The following FHOD1 variants were observed in gnomAD, a reference collection of about 807,000 sequenced individuals.
The protein encoded by FHOD1 is formin homology 2 domain containing 1.
A neutral mutation model predicts 111.6 loss-of-function variants in FHOD1; 89 were observed. The observed-to-expected ratio is 0.80, with a 90% CI of 0.67 to 0.95. FHOD1 has a LOEUF of 0.95. Ranked by LOEUF, FHOD1 falls within the 40% of genes least tolerant of loss-of-function variation. The pLI, the probability that FHOD1 is intolerant of heterozygous loss-of-function variation, is 0.00. For synonymous variants in FHOD1, 618 were observed against 639.0 expected (o/e 0.97, Z 0.50); for missense variants, 1,446 against 1,554.2 (o/e 0.93, Z 1.17).
In FHOD1 at chr16:67,231,870, C is replaced by G; in HGVS notation, c.2203-51G>C. 1 of 1,583,930 alleles carries G rather than the reference C, an allele frequency of 6.3e-7. No homozygotes were observed. The highest frequency in any genetic ancestry group is 1.1e-5 in the South Asian group (1 of 87,384). Reference sequence around the variant, plus strand: ...TGGCCCCCTCAATGCAGGCCTGAGGCCTGAGGCATTGGTCTTGACCCCTCA... The same window carrying G: ...TGGCCCCCTCAATGCAGGCCTGAGGGCTGAGGCATTGGTCTTGACCCCTCA... On this transcript the variant is annotated intron_variant, in intron 14 of 21. Transcript: ENST00000258201. This position sits in a 1 kb window ranked among gnomAD's most constrained non-coding sequence, Gnocchi z 4.3.
rs758294040 is a variant in FHOD1, at chr16:67,230,591, A to G, written c.2858+10T>C. The G allele has an allele frequency of 6.2e-6, 10 of 1,614,064 alleles. No homozygotes were observed. The highest frequency in any genetic ancestry group is 7.6e-6 in the Non-Finnish European group (9 of 1,179,922). ...TGGCCGTCCTGCCTCTCTTGGGTCCATGCCCCTACCTATTGCAGACACGGC... is the reference window on the plus strand; with the variant it reads ...TGGCCGTCCTGCCTCTCTTGGGTCCGTGCCCCTACCTATTGCAGACACGGC... On this transcript the variant is annotated intron_variant, in intron 18 of 21. Coordinates refer to ENST00000258201, the MANE Select transcript of FHOD1 (RefSeq NM_013241.3).
intron 1 of FHOD1, among the ~76,000 whole-genome samples, chr16:67,246,440 T>C (rs1473912071): frequency 6.6e-6 from 1 of 152,014 alleles, no homozygotes; most frequent in Non-Finnish European, 1.5e-5. Flanking sequence ...GCTGGCCATC[T>C]GGAAAAGGGC....
chr16:67,232,546 G>T (rs2034321209), intron 13 of FHOD1, among the ~76,000 whole-genome samples: 1 of 149,058 alleles, frequency 6.7e-6, no homozygotes, highest in Non-Finnish European at 1.5e-5. Flanking sequence ...AAAAAAGACT[G>T]AGGAAGGGAC....
At chr16:67,232,633 G>A (rs1382642862) in intron 13 of FHOD1, among the ~76,000 whole-genome samples, 1 of 151,978 alleles carries the variant, frequency 6.6e-6, no homozygotes. Flanking sequence ...CTGACAAACT[G>A]GCAACCTGGA....
In FHOD1 at chr16:67,229,808, C is replaced by T. The variant is rs758366092; in HGVS notation, c.3397G>A (p.Gly1133Ser). The T allele has an allele frequency of 7.4e-6, 12 of 1,614,044 alleles. No individual in the cohort carries two copies. In the East Asian group the frequency reaches 8.9e-5, roughly 12 times the overall value. ...GGTTACTTACAAGACTTGCGGTTGC[C>T]GCGGGAACGCTTGCGTTCCCTAGCA... The part of the protein sequence containing the change: ...LAARERKRSR[G>S]NRKSLRRTLK... Residue 1133 changes from glycine to serine, a missense_variant, in exon 21 of 22, where the codon GGC (glycine) becomes AGC (serine). This residue lies in a region of FHOD1 where 1,085 missense variants were observed against 1,108.8 expected (regional missense o/e 0.98). Transcript: ENST00000258201.
At position 67,238,697 on chromosome 16, in the gene FHOD1, A is replaced by T. The variant is rs2034583440; in HGVS notation, c.373+206T>A. ...CTCTCAAAGCACTGGCATTGGAGGC[A>T]TGAGCTACCACGCCTGGTCTATTCT... On this transcript the variant is annotated intron_variant, in intron 3 of 21. Coordinates refer to ENST00000258201, the MANE Select transcript of FHOD1 (RefSeq NM_013241.3). The surrounding 1 kb of genome is among the most constrained non-coding windows in gnomAD (Gnocchi z 4.2). The T allele has an allele frequency of 3.0e-6, 2 of 655,954 alleles. No individual in the cohort carries two copies. Among genetic ancestry groups the T allele is most frequent in the South Asian group, 3.6e-5 (2 of 55,100 alleles). The allele number at this position is 655,954 out of a possible 1,614,324, so 40.6% of individuals were successfully genotyped here.
At position 67,230,605 on chromosome 16, in the gene FHOD1, T is replaced by G; in HGVS notation, c.2854A>C (p.Asn952His). The G allele has an allele frequency of 6.2e-7, 1 of 1,614,110 alleles. No individual in the cohort carries two copies. Among genetic ancestry groups the G allele is most frequent in the Non-Finnish European group, 8.5e-7 (1 of 1,179,968 alleles). The change falls in exon 18 of 22, where the codon AAT (asparagine) becomes CAT (histidine). Residue 952 changes from asparagine (N) to histidine (H), a missense_variant. By Grantham distance (68) the Asn-to-His change is moderately conservative. Around this residue, in one of 3 missense-constraint regions of FHOD1, gnomAD observed 1,085 missense variants for 1,108.8 expected, o/e 0.98. Transcript: ENST00000258201. ...CTCTTGGGTCCATGCCCCTACCTAT[T>G]GCAGACACGGCGGTGCACTATCCTT... The part of the protein sequence containing the change: ...MLRIVHRRVC[N>H]RFHAFLLYLG...
In FHOD1 at chr16:67,237,199, C is replaced by T. The variant is rs1324828572; in HGVS notation, c.993+40G>A. On this transcript the variant is annotated intron_variant, in intron 9 of 21. Transcript: ENST00000258201. This position sits in a 1 kb window ranked among gnomAD's most constrained non-coding sequence, Gnocchi z 5.6. ...CGCTGGGGACTGCGCTTCTCTCTTC[C>T]CTCTTTCCAATCCGCCTCAGAGCGT... 1.2e-6 allele frequency: 2 copies of T among 1,606,180 alleles called. No homozygotes were observed. The highest frequency in any genetic ancestry group is 3.4e-5 in the Admixed American group (2 of 59,586).
At chr16:67,235,721 C>T (rs1046457291) in intron 11 of FHOD1, among the ~76,000 whole-genome samples, 1 of 152,122 alleles carries the variant, frequency 6.6e-6, no homozygotes, top group African/African-American at 2.4e-5. Flanking sequence ...ACCCTAGGTC[C>T]CCTCCCTGCT....
rs369404876 is a variant in FHOD1, at chr16:67,237,519, C to T, written c.805G>A (p.Ala269Thr). ...GTGTACACCAACAACTCAGGGTCAG[C>T]GCCATTCTTCTCCTCCAGGATGGAC... is the stretch of plus-strand genomic sequence containing the variant. ...LVSILEEKNGADPELLVYTVT... is the reference protein window; with the variant it reads ...LVSILEEKNGTDPELLVYTVT... The change falls in exon 8 of 22, where the codon GCT becomes ACT. Residue 269 changes from alanine to threonine, a missense_variant. Physicochemically the swap from Ala to Thr is moderately conservative, Grantham distance 58. Around this residue, in one of 3 missense-constraint regions of FHOD1, gnomAD observed 234 missense variants for 327.4 expected, o/e 0.71. Transcript: ENST00000258201. This position sits in a 1 kb window ranked among gnomAD's most constrained non-coding sequence, Gnocchi z 5.6. The T allele has an allele frequency of 1.9e-6, 3 of 1,614,020 alleles. No homozygotes were observed. The highest frequency in any genetic ancestry group is 2.7e-5 in the African/African-American group (2 of 74,894).
chr16:67,247,095 C>T (rs2034882493), intron 1 of FHOD1, 115 bp downstream of exon 1: 4 of 1,268,946 alleles, frequency 3.2e-6, no homozygotes, highest in Non-Finnish European at 4.2e-6. Flanking sequence ...CAGCCCAAGA[C>T]TTTTCCGGAG....
At chr16:67,243,763 T>A (rs6499119) in intron 1 of FHOD1, among the ~76,000 whole-genome samples, 35,776 of 152,058 alleles carry the variant, frequency 0.24, 8,926 homozygotes, top group African/African-American at 0.63. Flanking sequence ...AAATACCCCA[T>A]ACTGGTCCTC....
chr16:67,237,330 A>G lies in FHOD1; in HGVS notation c.902T>C (p.Leu301Pro). Residue 301 changes from leucine (L) to proline (P), a missense_variant, in exon 9 of 22, where the codon CTG (leucine) becomes CCG (proline). By Grantham distance (98) the Leu-to-Pro change is moderately conservative (BLOSUM62 -3). Coordinates refer to ENST00000258201, the MANE Select transcript of FHOD1 (RefSeq NM_013241.3). The surrounding 1 kb of genome is among the most constrained non-coding windows in gnomAD (Gnocchi z 5.6). ...QDSFYDVTDA[L>P]EQQGMEALVQ... Reference sequence around the variant, plus strand: ...CAGCGCTTCCATGCCCTGCTGCTCCAGTGCATCCGTCACATCGTAGAAGGA... The same window carrying G: ...CAGCGCTTCCATGCCCTGCTGCTCCGGTGCATCCGTCACATCGTAGAAGGA... 6.2e-7 allele frequency: 1 copy of G among 1,614,096 alleles called. No homozygotes were observed. Among genetic ancestry groups the G allele is most frequent in the Non-Finnish European group, 8.5e-7 (1 of 1,180,024 alleles).
At position 67,237,200 on chromosome 16, in the gene FHOD1, C is replaced by T. The variant is rs768023614; in HGVS notation, c.993+39G>A. ...GCTGGGGACTGCGCTTCTCTCTTCCCTCTTTCCAATCCGCCTCAGAGCGTA... is the reference window on the plus strand; with the variant it reads ...GCTGGGGACTGCGCTTCTCTCTTCCTTCTTTCCAATCCGCCTCAGAGCGTA... On this transcript the variant is annotated intron_variant, in intron 9 of 21. Coordinates refer to ENST00000258201, the MANE Select transcript of FHOD1 (RefSeq NM_013241.3). The surrounding 1 kb of genome is among the most constrained non-coding windows in gnomAD (Gnocchi z 5.6). 7.5e-6 allele frequency: 12 copies of T among 1,606,294 alleles called. 1 individual carries two copies. The African/African-American group carries it at 9.4e-5, about 13-fold the overall frequency.
Position 67,230,699 on chromosome 16 carries a change from C to T in FHOD1, c.2760G>A (p.Glu920=), listed in dbSNP as rs2034229760. The part of the protein sequence containing the change: ...EESLRSLAKH[E]LAPALRARLT... ...GGCGGGCACGCAGGGCTGGGGCCAG[C>T]TCATGCTTGGCCAAGCTCCGCAGGC... is the stretch of plus-strand genomic sequence containing the variant. The change falls in exon 18 of 22, where the codon GAG becomes GAA. Residue 920 remains glutamate (E), a synonymous_variant. Coordinates refer to ENST00000258201, the MANE Select transcript of FHOD1 (RefSeq NM_013241.3). The T allele has an allele frequency of 6.2e-7, 1 of 1,613,704 alleles. No homozygotes were observed. Among genetic ancestry groups the T allele is most frequent in the African/African-American group, 1.3e-5 (1 of 74,944 alleles).
intron 1 of FHOD1, among the ~76,000 whole-genome samples, chr16:67,242,517 G>A (rs950191861): frequency 7.2e-5 from 11 of 152,234 alleles, no homozygotes; most frequent in African/African-American, 2.7e-4. Flanking sequence ...CCTTCCTGGG[G>A]TCACCCTTCT....
At position 67,234,204 on chromosome 16, in the gene FHOD1, G is replaced by A. The variant is rs77281081; in HGVS notation, c.1499C>T (p.Ala500Val). ...CTGGGCCCGGAGCAGGACACAGGGGGCAGGGCTCTGGGGTGTTCTGGCTGC... is the reference window on the plus strand; with the variant it reads ...CTGGGCCCGGAGCAGGACACAGGGGACAGGGCTCTGGGGTGTTCTGGCTGC... Reference protein sequence around the residue: ...APAARTPQSPAPCVLLRAQRS... With the variant: ...APAARTPQSPVPCVLLRAQRS... Residue 500 changes from alanine (A) to valine (V), a missense_variant, in exon 13 of 22, where the codon GCC becomes GTC. Transcript: ENST00000258201. 2 of 1,547,278 alleles carry A rather than the reference G, an allele frequency of 1.3e-6. No homozygotes were observed. Among genetic ancestry groups the A allele is most frequent in the African/African-American group, 2.7e-5 (2 of 72,986 alleles).
In FHOD1 at chr16:67,231,618, C is replaced by T; in HGVS notation, c.2385+19G>A. 6.2e-7 allele frequency: 1 copy of T among 1,614,100 alleles called. No homozygotes were observed. The highest frequency in any genetic ancestry group is 8.5e-7 in the Non-Finnish European group (1 of 1,179,958). ...GCTTACCTGTCCCTACTGACTGTCCCACTCCAAGACCCAGGTACCCGCTCC... is the reference window on the plus strand; with the variant it reads ...GCTTACCTGTCCCTACTGACTGTCCTACTCCAAGACCCAGGTACCCGCTCC... On this transcript the variant is annotated intron_variant, in intron 15 of 21. Coordinates refer to ENST00000258201, the MANE Select transcript of FHOD1 (RefSeq NM_013241.3). The surrounding 1 kb of genome is among the most constrained non-coding windows in gnomAD (Gnocchi z 4.3).
chr16:67,234,284 A>G lies in FHOD1; in HGVS notation c.1436-17T>C. The G allele has an allele frequency of 6.3e-7, 1 of 1,582,632 alleles. No individual in the cohort carries two copies. Among genetic ancestry groups the G allele is most frequent in the Non-Finnish European group, 8.6e-7 (1 of 1,160,612 alleles). The stretch of plus-strand genomic sequence containing the variant: ...GCCGGGCATCTAAAGAAAGGGAAGG[A>G]GCTGTCAGTGCCATGCCCCCTGTGG... On this transcript the variant is annotated splice_polypyrimidine_tract_variant and intron_variant, in intron 12 of 21. Transcript: ENST00000258201.
Sources: allele counts gnomAD v4.1 joint callset (sites outside exome capture counted in the v4.1 genomes callset), GRCh38; gene constraint gnomAD v4.1.1; regional missense constraint gnomAD v4.1.1; non-coding constraint Gnocchi (gnomAD v3.1); transcripts MANE v1.5; gene names NCBI Gene and HGNC (gene_info 2026-07-23, HGNC 2026-07-21).